TTC21B: variants seen among roughly 807,000 people sequenced by gnomAD.
The protein encoded by TTC21B is tetratricopeptide repeat domain 21B, also known as tetratricopeptide repeat protein 21B.
TTC21B carries 127 observed loss-of-function variants against 175.1 expected under a neutral mutation model. The ratio of observed to expected loss-of-function variants is 0.73; its 90% CI spans 0.63 to 0.84. The LOEUF is 0.84. TTC21B is among the 40% of genes least tolerant of loss of function. TTC21B has a pLI of 0.00. For missense variants in TTC21B, 1,561 were observed against 1,558.3 expected (o/e 1.00, Z -0.03); for synonymous variants, 524 against 524.5 (o/e 1.00, Z 0.01).
At chr2:165,928,069 G>A (rs1033878207) in intron 11 of TTC21B, among the ~76,000 whole-genome samples, 1 of 152,168 alleles carries the variant, frequency 6.6e-6, no homozygotes, top group Non-Finnish European at 1.5e-5. Context: ...ATCTCTGGTA[G>A]TACAACATAG....
chr2:165,928,205 A>G (rs1686746620), intron 11 of TTC21B, among the ~76,000 whole-genome samples: 2 of 152,180 alleles, frequency 1.3e-5, no homozygotes, highest in South Asian at 4.1e-4. Context: ...ATAGGTGACA[A>G]TCATGATCCA....
chr2:165,889,533 G>A (rs1685119605), intron 24 of TTC21B, among the ~76,000 whole-genome samples: 1 of 138,914 alleles, frequency 7.2e-6, no homozygotes, highest in African/African-American at 2.9e-5. Flanking sequence ...TGAATTGCCT[G>A]AAGAAGATTT....
At position 165,945,584 on chromosome 2, in the gene TTC21B, G is replaced by A. The variant is rs552112332; in HGVS notation, c.369C>T (p.Arg123=). The change falls in exon 4 of 29, where the codon CGC becomes CGT. Residue 123 remains arginine (R), a synonymous_variant. Coordinates refer to ENST00000243344, the MANE Select transcript of TTC21B (RefSeq NM_024753.5). ...HAGLFLWHIG[R]HDKAREYIDR... is the part of the protein sequence containing the mutation. ...CAATATATTCCCTTGCTTTATCATG[G>A]CGACCAATGTGCCATAAAAATAAGC... 6.2e-7 allele frequency: 1 copy of A among 1,613,582 alleles called. No individual in the cohort carries two copies. Among genetic ancestry groups the A allele is most frequent in the South Asian group, 1.1e-5 (1 of 91,066 alleles).
chr2:165,929,647 T>G lies in TTC21B; in HGVS notation c.1185+3A>C, dbSNP rs1229924726. ...TACCAGCTGATAAAATAAAATACTG[T>G]ACCGCAGATTTTCCAATGGATTGCT... is the stretch of plus-strand genomic sequence containing the variant. On this transcript the variant is annotated splice_donor_region_variant and intron_variant, in intron 10 of 28. Transcript: ENST00000243344. 1.3e-6 allele frequency: 2 copies of G among 1,599,200 alleles called. No individual in the cohort carries two copies. Among genetic ancestry groups the G allele is most frequent in the East Asian group, 4.5e-5 (2 of 44,710 alleles).
chr2:165,943,429 T>A (rs1373727447), intron 4 of TTC21B, 88 bp from the exon 5 acceptor site: 2 of 1,073,222 alleles, frequency 1.9e-6, no homozygotes, highest in South Asian at 1.4e-5. Flanking sequence ...TTTCTGGCAA[T>A]TAATAACAAA....
intron 1 of TTC21B, 150 bp downstream of exon 1, chr2:165,953,535 G>T: frequency 7.4e-7 from 1 of 1,354,586 alleles, no homozygotes; most frequent in Non-Finnish European, 1.0e-6. Flanking sequence ...GAGGCTGCAG[G>T]CCCACCCCGC....
chr2:165,884,113 G>A, intron 25 of TTC21B, 95 bp from the exon 26 acceptor site: 1 of 964,928 alleles, frequency 1.0e-6, no homozygotes. Flanking sequence ...GAACTAGTTT[G>A]TGGATTCTAT....
chr2:165,909,312 T>A (rs1685851212), intron 18 of TTC21B, among the ~76,000 whole-genome samples: 2 of 152,044 alleles, frequency 1.3e-5, no homozygotes, highest in African/African-American at 4.8e-5. Context: ...AATAGTTTCA[T>A]AACGTTAGGA....
chr2:165,948,511 C>G (rs1035412924), intron 3 of TTC21B: 1 of 152,102 alleles, frequency 6.6e-6, no homozygotes, highest in East Asian at 1.9e-4. Context: ...AAAAAAGTCT[C>G]GTCTAATATT....
chr2:165,919,884 A>G (rs956366140), intron 12 of TTC21B, among the ~76,000 whole-genome samples: 6 of 152,232 alleles, frequency 3.9e-5, no homozygotes, highest in African/African-American at 1.4e-4. Context: ...TTCTATTACT[A>G]CTATACATAA....
At chr2:165,916,483 A>C (rs770677321) in intron 14 of TTC21B, among the ~76,000 whole-genome samples, 71 of 152,302 alleles carry the variant, frequency 4.7e-4, no homozygotes, top group African/African-American at 1.5e-3. Flanking sequence ...TTTTAAAAAT[A>C]TCTGACTTTA....
At chr2:165,902,250 T>C (rs1383913213) in intron 19 of TTC21B, among the ~76,000 whole-genome samples, 1 of 152,216 alleles carries the variant, frequency 6.6e-6, no homozygotes, top group Non-Finnish European at 1.5e-5. Flanking sequence ...GAGTAGATTG[T>C]TATATTGGAA....
chr2:165,918,655 A>C lies in TTC21B; in HGVS notation c.1674+621T>G, dbSNP rs1260874343. ...GAAGGGTTCTCTCTTAACAGGGTCC[A>C]TGACCCTGTGAAGCAAAGCAGAAGT... On this transcript the variant is annotated intron_variant, in intron 13 of 28. Transcript: ENST00000243344. Among the ~76,000 whole-genome samples the C allele has an allele frequency of 2.0e-5, 3 of 152,160 alleles. No individual in the cohort carries two copies. In the East Asian group the frequency reaches 5.8e-4, roughly 29 times the overall value.
At chr2:165,920,569 C>CA (rs1433607569) in intron 12 of TTC21B, among the ~76,000 whole-genome samples, 2 of 151,954 alleles carry the variant, frequency 1.3e-5, no homozygotes, top group Non-Finnish European at 2.9e-5. Context: ...ATTCTTTTAG[C>CA]AAGGAGAAGG....
At chr2:165,880,863 T>C in intron 26 of TTC21B, 64 bp from the exon 27 acceptor site, 2 of 1,538,122 alleles carry the variant, frequency 1.3e-6, no homozygotes, top group South Asian at 2.3e-5. Flanking sequence ...ATGGGATGTT[T>C]GTGACTATAG....
chr2:165,907,871 GA>G, intron 18 of TTC21B, 87 bp from the exon 19 acceptor site: 2 of 924,004 alleles, frequency 2.2e-6, no homozygotes. Flanking sequence ...CTGGTCTCTA[GA>G]AAAAATGATT....
At chr2:165,914,684 T>TGTGTGTGTGTGTGTGTGCGCGCGCGCGC (rs1559056051) in intron 15 of TTC21B, among the ~76,000 whole-genome samples, 2 of 150,992 alleles carry the variant, frequency 1.3e-5, no homozygotes, top group African/African-American at 4.9e-5. Flanking sequence ...TGTGTGTGTG[T>TGTGTGTGTGTGTGTGTGCGCGCGCGCGC]GTGTGTGTGT....
At chr2:165,901,214 A>G (rs1685549272) in intron 20 of TTC21B, among the ~76,000 whole-genome samples, 1 of 151,928 alleles carries the variant, frequency 6.6e-6, no homozygotes, top group Non-Finnish European at 1.5e-5. Context: ...AAACTCTAAT[A>G]TTCTTAATGT....
At chr2:165,938,428 C>A (rs149850022) in intron 6 of TTC21B, among the ~76,000 whole-genome samples, 1 of 151,934 alleles carries the variant, frequency 6.6e-6, no homozygotes, top group Non-Finnish European at 1.5e-5. Flanking sequence ...GCTGATATCA[C>A]GAAAAGAGAG....
Sources: gnomAD v4.1 joint callset for allele counts (sites outside exome capture counted in the v4.1 genomes callset) on GRCh38, gnomAD v4.1.1 for gene constraint, MANE v1.5 for transcripts, NCBI Gene and HGNC (gene_info 2026-07-23, HGNC 2026-07-21) for gene names.